Variants in SLIT2 observed in about 807,000 individuals in gnomAD.
SLIT2 encodes slit guidance ligand 2, also known as slit homolog 2 protein.
Under a neutral mutation model 185.7 loss-of-function variants are expected in SLIT2, and 41 were observed. That is an observed-to-expected ratio of 0.22 (90% confidence interval 0.17 to 0.29). The LOEUF (loss-of-function observed/expected upper bound fraction) is 0.29. Ranked by LOEUF, SLIT2 falls within the 10% of genes least tolerant of loss-of-function variation. The probability of loss-of-function intolerance (pLI) is 1.00; values close to 1 mark genes in which losing one functional copy is unlikely to be tolerated. For synonymous variants in SLIT2, 693 were observed against 680.2 expected, an observed-to-expected ratio of 1.02 and a Z score of -0.29; for missense variants, 1,571 against 1,909.0, an observed-to-expected ratio of 0.82 and a Z score of 3.30.
At chr4:20,596,928 T>A (rs1349588268) in intron 32 of SLIT2, among the ~76,000 whole-genome samples, 1 of 151,916 alleles carries the variant, frequency 6.6e-6, no homozygotes, top group Non-Finnish European at 1.5e-5. Flanking sequence ...GACAAAAACA[T>A]TTGATTCATT....
intron 29 of SLIT2, among the ~76,000 whole-genome samples, chr4:20,574,805 A>AC (rs1258411162): frequency 2.1e-4 from 32 of 151,820 alleles, no homozygotes; most frequent in African/African-American, 6.3e-4. Context: ...AAAAAAAAAA[A>AC]AACAAAGGTT....
At chr4:20,597,916 A>G (rs1179479183) in intron 32 of SLIT2, among the ~76,000 whole-genome samples, 1 of 152,230 alleles carries the variant, frequency 6.6e-6, no homozygotes, top group Non-Finnish European at 1.5e-5. Context: ...ATAAAAATCC[A>G]TCTTTGACAA....
At chr4:20,483,721 A>C (rs1157529778) in intron 6 of SLIT2, among the ~76,000 whole-genome samples, 2 of 152,072 alleles carry the variant, frequency 1.3e-5, no homozygotes, top group Non-Finnish European at 2.9e-5. Context: ...ATATTTATAC[A>C]TCAAGATGTC....
At chr4:20,524,860 A>T (rs777494135) in intron 14 of SLIT2, among the ~76,000 whole-genome samples, 3 of 152,174 alleles carry the variant, frequency 2.0e-5, no homozygotes, top group Non-Finnish European at 4.4e-5. Flanking sequence ...TTATGATAGA[A>T]TATTTTATGT....
intron 15 of SLIT2, among the ~76,000 whole-genome samples, chr4:20,526,597 A>G (rs140203517): frequency 6.8e-4 from 104 of 152,288 alleles, no homozygotes; most frequent in African/African-American, 2.4e-3. Flanking sequence ...AATATTTCCA[A>G]TTCACTAAAT....
At chr4:20,328,840 C>A (rs1270246053) in intron 4 of SLIT2, among the ~76,000 whole-genome samples, 1 of 151,958 alleles carries the variant, frequency 6.6e-6, no homozygotes, top group African/African-American at 2.4e-5. Flanking sequence ...GGGCCTTGAA[C>A]TGAAAATGAG....
At chr4:20,559,176 A>G (rs1443534882) in intron 26 of SLIT2, among the ~76,000 whole-genome samples, 2 of 152,054 alleles carry the variant, frequency 1.3e-5, no homozygotes, top group Admixed American at 6.6e-5. Context: ...GTTAATTGTC[A>G]GATGATGTAA....
intron 34 of SLIT2, chr4:20,615,107 T>G (rs1392585820): frequency 6.6e-6 from 1 of 152,202 alleles, no homozygotes; most frequent in Non-Finnish European, 1.5e-5. Context: ...TTGGAAGAAG[T>G]TCATTTTTAA....
chr4:20,433,026 A>G (rs941505164), intron 4 of SLIT2, among the ~76,000 whole-genome samples: 1 of 152,160 alleles, frequency 6.6e-6, no homozygotes, highest in East Asian at 1.9e-4. Flanking sequence ...TGTCAACTGT[A>G]CTGTTGCTAT....
chr4:20,289,976 A>T (rs2109076711), intron 4 of SLIT2, among the ~76,000 whole-genome samples: 1 of 152,230 alleles, frequency 6.6e-6, no homozygotes, highest in East Asian at 1.9e-4. Context: ...AGGCATATGC[A>T]GTTCCTACGA....
chr4:20,315,442 T>A (rs1718492434), intron 4 of SLIT2, among the ~76,000 whole-genome samples: 1 of 152,140 alleles, frequency 6.6e-6, no homozygotes, highest in Admixed American at 6.6e-5. Context: ...GCAAGTAGGC[T>A]TGTGATGTGC....
chr4:20,433,861 C>CA (rs1421458054), intron 4 of SLIT2, among the ~76,000 whole-genome samples: 1 of 152,114 alleles, frequency 6.6e-6, no homozygotes, highest in Non-Finnish European at 1.5e-5. Flanking sequence ...GTGATACATA[C>CA]GTTTAGAGGG....
chr4:20,331,726 T>C (rs1279425122), intron 4 of SLIT2, among the ~76,000 whole-genome samples: 2 of 152,080 alleles, frequency 1.3e-5, no homozygotes, highest in Non-Finnish European at 2.9e-5. Flanking sequence ...CATCACCCCA[T>C]CTCACTTTTG....
At chr4:20,536,706 CTTT>C (rs540558322) in intron 18 of SLIT2, among the ~76,000 whole-genome samples, 1 of 151,278 alleles carries the variant, frequency 6.6e-6, no homozygotes, top group East Asian at 1.9e-4. Flanking sequence ...AATGTTTTAA[CTTT>C]TTTTACTCTT....
intron 4 of SLIT2, among the ~76,000 whole-genome samples, chr4:20,444,177 T>G (rs1040688137): frequency 6.6e-6 from 1 of 152,078 alleles, no homozygotes; most frequent in African/African-American, 2.4e-5. Context: ...GACTTAACTT[T>G]CCTAGACTCG....
chr4:20,394,288 G>T (rs934386216), intron 4 of SLIT2, among the ~76,000 whole-genome samples: 1 of 151,912 alleles, frequency 6.6e-6, no homozygotes, highest in Non-Finnish European at 1.5e-5. Context: ...AGCTTACGTG[G>T]TATCATTTTG....
intron 26 of SLIT2, among the ~76,000 whole-genome samples, chr4:20,556,042 A>G (rs1201899742): frequency 6.6e-6 from 1 of 152,084 alleles, no homozygotes; most frequent in Non-Finnish European, 1.5e-5. Flanking sequence ...CACTGATTGA[A>G]ACTACATAAT....
chr4:20,381,833 A>G (rs994277097), intron 4 of SLIT2, among the ~76,000 whole-genome samples: 8 of 152,098 alleles, frequency 5.3e-5, no homozygotes, highest in African/African-American at 1.7e-4. Context: ...GTATTTTATG[A>G]TACAAAAATC....
At chr4:20,595,587 CT>C (rs1237709332) in intron 30 of SLIT2, 109 bp from the exon 31 acceptor site, 3 of 1,360,856 alleles carry the variant, frequency 2.2e-6, no homozygotes, top group East Asian at 4.6e-5. Context: ...CTCTATGAGC[CT>C]ATTCTAAATA....
Sources: allele counts gnomAD v4.1 joint callset (sites outside exome capture counted in the v4.1 genomes callset), GRCh38; gene constraint gnomAD v4.1.1; transcripts MANE v1.5; gene names NCBI Gene and HGNC (gene_info 2026-07-23, HGNC 2026-07-21).